DIP2C: variants seen among roughly 807,000 people sequenced by gnomAD.
The protein encoded by DIP2C is DIP2 acetate--CoA ligase C (putative).
DIP2C carries 33 observed loss-of-function variants against 192.4 expected under a neutral mutation model. The ratio of observed to expected loss-of-function variants is 0.17; its 90% CI spans 0.13 to 0.23. The LOEUF is 0.23. DIP2C is among the 10% of genes least tolerant of loss of function. DIP2C has a pLI of 1.00. For synonymous variants in DIP2C, 979 were observed against 864.1 expected (o/e 1.13, Z -2.33); for missense variants, 1,537 against 2,110.1 (o/e 0.73, Z 5.32).
At position 384,601 on chromosome 10, in the gene DIP2C, G is replaced by A. The variant is rs769141507; in HGVS notation, c.1701C>T (p.Tyr567=). ...MNMMHVISIP[Y]SLMKVNPLSW... ...AGAGAGGGTTCACCTTCATCAGCGA[G>A]TACGGGATGCTGATCACATGCATCA... is the stretch of plus-strand genomic sequence containing the variant. Residue 567 remains tyrosine, a synonymous_variant, in exon 15 of 37, where the codon TAC becomes TAT. Transcript: ENST00000280886. 62 of 1,613,898 alleles carry A rather than the reference G, an allele frequency of 3.8e-5. No individual in the cohort carries two copies. Among genetic ancestry groups the A allele is most frequent in the Non-Finnish European group, 1.0e-5 (12 of 1,180,040 alleles).
intron 2 of DIP2C, among the ~76,000 whole-genome samples, chr10:479,974 G>C (rs1311035097): frequency 7.2e-6 from 1 of 138,766 alleles, no homozygotes; most frequent in Non-Finnish European, 1.5e-5. Context: ...ATGCTCACTG[G>C]ATGAGTCTCA....
At chr10:347,454 TCGCG>T (rs1958544217) in intron 26 of DIP2C, among the ~76,000 whole-genome samples, 1 of 118,764 alleles carries the variant, frequency 8.4e-6, no homozygotes, top group Non-Finnish European at 1.7e-5. Context: ...CCCAGACACA[TCGCG>T]CATAGTTCTC....
intron 28 of DIP2C, among the ~76,000 whole-genome samples, chr10:344,116 G>A (rs973807232): frequency 2.6e-5 from 4 of 152,226 alleles, no homozygotes; most frequent in Non-Finnish European, 5.9e-5. Flanking sequence ...GGTATGACTG[G>A]AAGCAGCTGC....
At chr10:446,153 C>T (rs776606312) in intron 3 of DIP2C, among the ~76,000 whole-genome samples, 5 of 149,030 alleles carry the variant, frequency 3.4e-5, no homozygotes, top group Non-Finnish European at 7.5e-5. Flanking sequence ...TCACCGTTCA[C>T]TAGGCATCTA....
At chr10:560,710 C>T (rs942220070) in intron 1 of DIP2C, among the ~76,000 whole-genome samples, 6 of 152,142 alleles carry the variant, frequency 3.9e-5, no homozygotes, top group Non-Finnish European at 5.9e-5. Flanking sequence ...GTTGTAAAAG[C>T]ATTAAAATTC....
intron 7 of DIP2C, among the ~76,000 whole-genome samples, chr10:415,218 T>C (rs966270411): frequency 6.6e-6 from 1 of 152,162 alleles, no homozygotes; most frequent in Non-Finnish European, 1.5e-5. Flanking sequence ...TGTCACTTTA[T>C]GACTGACAAA....
chr10:453,466 G>C (rs1471556115), intron 3 of DIP2C, among the ~76,000 whole-genome samples: 1 of 152,210 alleles, frequency 6.6e-6, no homozygotes, highest in Non-Finnish European at 1.5e-5. Flanking sequence ...TGCTTAAAAC[G>C]ATAGGAGAAA....
chr10:540,159 T>C (rs1188928863), intron 1 of DIP2C, among the ~76,000 whole-genome samples: 2 of 151,966 alleles, frequency 1.3e-5, no homozygotes, highest in Non-Finnish European at 2.9e-5. Flanking sequence ...ACAGGTAGAG[T>C]GTTATAAAAA....
At chr10:629,084 T>A (rs528345658) in intron 1 of DIP2C, among the ~76,000 whole-genome samples, 2 of 152,184 alleles carry the variant, frequency 1.3e-5, no homozygotes, top group African/African-American at 4.8e-5. Context: ...CCGAGGCCAG[T>A]GGGGCACTCG....
In DIP2C at chr10:568,791, A is replaced by C. The variant is rs1051384368; in HGVS notation, c.86-82261T>G. ...AAAAAAAAAAAAAAAAAAAAAAAAA[A>C]AAAAAAACCTTCACTTGATCTGCAA... is the stretch of plus-strand genomic sequence containing the variant. On this transcript the variant is annotated intron_variant, in intron 1 of 36. Coordinates refer to ENST00000280886, the MANE Select transcript of DIP2C (RefSeq NM_014974.3). 5.1e-5 allele frequency among the ~76,000 whole-genome samples: 7 copies of C among 138,434 alleles called. No individual in the cohort carries two copies. In the East Asian group the frequency reaches 6.1e-4, roughly 12 times the overall value. 90.8% of individuals were successfully genotyped at this position (138,434 alleles called of 152,430 possible).
Position 277,228 on chromosome 10 carries a change from T to C in DIP2C, c.*97A>G, listed in dbSNP as rs2132110204. ...CCTCCACTCTCACCACAAATGGCTG[T>C]ATTCTGGTGAGTGTTGCCCTGTGTC... On this transcript the variant is annotated 3_prime_UTR_variant, in exon 37 of 37. Transcript: ENST00000280886. 5.9e-6 allele frequency: 9 copies of C among 1,522,680 alleles called. No individual in the cohort carries two copies. Among genetic ancestry groups the C allele is most frequent in the Non-Finnish European group, 7.1e-6 (8 of 1,130,124 alleles). The allele number at this position is 1,522,680 out of a possible 1,614,324, so 94.3% of individuals were successfully genotyped here. A position where few individuals can be genotyped will look rare whatever the true frequency, so the allele number is the denominator to read the frequency against.
At position 344,869 on chromosome 10, in the gene DIP2C, T is replaced by A. The variant is rs778561874; in HGVS notation, c.3393A>T (p.Pro1131=). ...RPAQICKPCN[P]DTLAYLDFSV... is the part of the protein sequence containing the mutation. ...TGAAGTCGAGATATGCAAGAGTGTC[T>A]GGGTTGCAAGGTTTGCAGATCTGGG... Residue 1131 remains proline (P), a synonymous_variant, in exon 28 of 37, where the codon CCA becomes CCT. Transcript: ENST00000280886. 6.2e-7 allele frequency: 1 copy of A among 1,607,526 alleles called. No individual in the cohort carries two copies.
chr10:670,459 CAG>C (rs1403609934), intron 1 of DIP2C, among the ~76,000 whole-genome samples: 5 of 152,154 alleles, frequency 3.3e-5, no homozygotes, highest in Non-Finnish European at 7.3e-5. Context: ...AATCACAAAA[CAG>C]GGTAGGGTGT....
At position 419,091 on chromosome 10, in the gene DIP2C, T is replaced by C; in HGVS notation, c.713A>G (p.Asn238Ser). The change falls in exon 6 of 37, where the codon AAC becomes AGC. Residue 238 changes from asparagine to serine, a missense_variant. Around this residue, in one of 4 missense-constraint regions of DIP2C, gnomAD observed 473 missense variants for 539.6 expected, o/e 0.88. Coordinates refer to ENST00000280886, the MANE Select transcript of DIP2C (RefSeq NM_014974.3). ...ATCCCCGGTCTCCATGAGCTCGGCG[T>C]TGCCGTACTTGGGCGCTGTCCGGGA... is the stretch of plus-strand genomic sequence containing the variant. ...TGSRTAPKYG[N>S]AELMETGDGV... 1 of 1,614,282 alleles carries C rather than the reference T, an allele frequency of 6.2e-7. No homozygotes were observed. Among genetic ancestry groups the C allele is most frequent in the Non-Finnish European group, 8.5e-7 (1 of 1,180,052 alleles).
intron 6 of DIP2C, among the ~76,000 whole-genome samples, chr10:417,938 C>CCCTGTCCACCTGTTCCTGTCAGGGCTCG (rs1564686178): frequency 1.2e-4 from 3 of 25,940 alleles, no homozygotes; most frequent in East Asian, 1.2e-3. Context: ...GTCAGGGCTT[C>CCCTGTCCACCTGTTCCTGTCAGGGCTCG]GATAGGCCTC....
intron 1 of DIP2C, among the ~76,000 whole-genome samples, chr10:566,318 G>A (rs906207283): frequency 6.6e-5 from 10 of 152,052 alleles, no homozygotes; most frequent in African/African-American, 9.7e-5. Flanking sequence ...ACTTTTTCAC[G>A]TGACCCTCGC....
At chr10:415,481 A>G (rs563054686) in intron 7 of DIP2C, among the ~76,000 whole-genome samples, 2 of 152,256 alleles carry the variant, frequency 1.3e-5, no homozygotes, top group Non-Finnish European at 2.9e-5. Context: ...CTACATGTTT[A>G]TACTTTACTT....
intron 1 of DIP2C, among the ~76,000 whole-genome samples, chr10:643,114 A>G (rs2131951492): frequency 6.6e-6 from 1 of 152,110 alleles, no homozygotes; most frequent in Non-Finnish European, 1.5e-5. Context: ...GAGGCAGGAC[A>G]ACGGCTTGAA....
chr10:530,993 G>A lies in DIP2C; in HGVS notation c.86-44463C>T, dbSNP rs889608565. ...ACCCTGGGACCCTGCAGGCAGCCCC[G>A]ACTGGACAGAAGGGCGTCGTGAGCA... On this transcript the variant is annotated intron_variant, in intron 1 of 36. Coordinates refer to ENST00000280886, the MANE Select transcript of DIP2C (RefSeq NM_014974.3). Among the ~76,000 whole-genome samples the A allele has an allele frequency of 3.3e-5, 5 of 152,270 alleles. No homozygotes were observed. In the East Asian group the frequency reaches 5.8e-4, roughly 18 times the overall value.
Sources: gnomAD v4.1 joint callset for allele counts (sites outside exome capture counted in the v4.1 genomes callset) on GRCh38, gnomAD v4.1.1 for gene constraint, gnomAD v4.1.1 regional missense constraint, MANE v1.5 for transcripts, NCBI Gene and HGNC (gene_info 2026-07-23, HGNC 2026-07-21) for gene names.